Variants in YARS2 observed in about 807,000 individuals in gnomAD.
YARS2 encodes tyrosyl-tRNA synthetase 2, also known as tyrosine--tRNA ligase, mitochondrial.
A neutral mutation model predicts 45.0 loss-of-function variants in YARS2; 38 were observed. The observed-to-expected ratio is 0.84, with a 90% CI of 0.65 to 1.11. YARS2 has a LOEUF of 1.11. YARS2 is among the 50% of genes least tolerant of loss of function. YARS2 has a pLI of 0.00. For synonymous variants in YARS2, 287 were observed against 245.1 expected, an observed-to-expected ratio of 1.17 and a Z score of -1.60; for missense variants, 602 against 599.8, an observed-to-expected ratio of 1.00 and a Z score of -0.04.
In YARS2 at chr12:32,749,966, T is replaced by A; in HGVS notation, c.1245A>T (p.Lys415Asn). Reference protein sequence around the residue: ...PGTSVLDTCRKANAIPDGPRG... With the variant: ...PGTSVLDTCRNANAIPDGPRG... ...GGGGACCATCTGGAATGGCATTTGC[T>A]TTGCGGCAAGTATCTAGGACACTTG... is the stretch of plus-strand genomic sequence containing the variant. Residue 415 changes from lysine to asparagine, a missense_variant, in exon 4 of 5, where the codon AAA (lysine) becomes AAT (asparagine). Lys to Asn is a moderately conservative substitution (Grantham distance 94). Coordinates refer to ENST00000324868, the MANE Select transcript of YARS2 (RefSeq NM_001040436.3). 2.5e-6 allele frequency: 4 copies of A among 1,614,130 alleles called. No homozygotes were observed. The highest frequency in any genetic ancestry group is 3.4e-6 in the Non-Finnish European group (4 of 1,180,024).
Position 32,753,977 on chromosome 12 carries a change from C to G in YARS2, c.888G>C (p.Lys296Asn), listed in dbSNP as rs1410002702. The change falls in exon 2 of 5, where the codon AAG becomes AAC. Residue 296 changes from lysine (K) to asparagine (N), a missense_variant. Transcript: ENST00000324868. ...AGNAVWLNRD[K>N]TSPFELYQFF... ...ATTGATACAATTCAAATGGAGATGT[C>G]TTATCTCTGTTTAGCCAAACAGCGT... is the stretch of plus-strand genomic sequence containing the variant. 6.2e-7 allele frequency: 1 copy of G among 1,614,208 alleles called. No individual in the cohort carries two copies. The highest frequency in any genetic ancestry group is 8.5e-7 in the Non-Finnish European group (1 of 1,180,042).
At chr12:32,752,718 G>A (rs769553174) in intron 2 of YARS2, 13 of 312,812 alleles carry the variant, frequency 4.2e-5, no homozygotes, top group Non-Finnish European at 7.8e-5. Context: ...TCTAGCCTGG[G>A]CAACAAAGTG....
At chr12:32,753,238 T>C (rs1178762064) in intron 2 of YARS2, among the ~76,000 whole-genome samples, 1 of 152,206 alleles carries the variant, frequency 6.6e-6, no homozygotes, top group African/African-American at 2.4e-5. Flanking sequence ...ACTGCGTCAC[T>C]ACACTCTAGC....
At position 32,755,618 on chromosome 12, in the gene YARS2, G is replaced by A; in HGVS notation, c.257C>T (p.Ser86Leu). The A allele has an allele frequency of 6.2e-7, 1 of 1,614,128 alleles. No individual in the cohort carries two copies. Among genetic ancestry groups the A allele is most frequent in the Non-Finnish European group, 8.5e-7 (1 of 1,179,986 alleles). The change falls in exon 1 of 5, where the codon TCG becomes TTG. Residue 86 changes from serine to leucine, a missense_variant. Transcript: ENST00000324868. ...CGCAAGTAGATGACCCACATGAAGC[G>A]AGTCTGCCGTGGGGTCGAAGCCACA... ...IYCGFDPTAD[S>L]LHVGHLLALL...
intron 2 of YARS2, among the ~76,000 whole-genome samples, chr12:32,753,206 T>C (rs1239274410): frequency 6.6e-6 from 1 of 151,868 alleles, no homozygotes; most frequent in Non-Finnish European, 1.5e-5. Flanking sequence ...AGCCTGGGAA[T>C]TTCAGGCTAC....
At chr12:32,753,431 T>G (rs1244831438) in intron 2 of YARS2, among the ~76,000 whole-genome samples, 1 of 152,248 alleles carries the variant, frequency 6.6e-6, no homozygotes, top group African/African-American at 2.4e-5. Flanking sequence ...CCTAGATTAC[T>G]TTGATGTTAC....
rs1363965411 is a variant in YARS2 at position 32,749,815 on chromosome 12, G to C, written c.1274+122C>G. The C allele has an allele frequency of 5.3e-6, 6 of 1,137,002 alleles. No individual in the cohort carries two copies. In the African/African-American group the frequency reaches 9.2e-5, roughly 17 times the overall value. 70.4% of individuals were successfully genotyped at this position (1,137,002 alleles called of 1,614,324 possible). On this transcript the variant is annotated intron_variant, in intron 4 of 4. Coordinates refer to ENST00000324868, the MANE Select transcript of YARS2 (RefSeq NM_001040436.3). ...GATGGTCTCGATCTCCTGACCTCGT[G>C]ATCTGCCCGCCTCGGCCTCCCAATG...
In YARS2 at chr12:32,749,970, C is replaced by T. The variant is rs762786998; in HGVS notation, c.1241G>A (p.Arg414His). 46 of 1,613,904 alleles carry T rather than the reference C, an allele frequency of 2.9e-5. No homozygotes were observed. Among genetic ancestry groups the T allele is most frequent in the African/African-American group, 6.7e-5 (5 of 74,874 alleles). ...DPGTSVLDTC[R>H]KANAIPDGPR... is the part of the protein sequence containing the mutation. ...ACCATCTGGAATGGCATTTGCTTTG[C>T]GGCAAGTATCTAGGACACTTGTTCC... is the stretch of plus-strand genomic sequence containing the variant. Residue 414 changes from arginine (R) to histidine (H), a missense_variant, in exon 4 of 5, where the codon CGC (arginine) becomes CAC (histidine). Transcript: ENST00000324868.
At chr12:32,751,454 TAA>T (rs1220185958) in intron 2 of YARS2, among the ~76,000 whole-genome samples, 1 of 152,154 alleles carries the variant, frequency 6.6e-6, no homozygotes, top group African/African-American at 2.4e-5. Context: ...GAGATAATCA[TAA>T]ATCTAAGTTT....
At chr12:32,749,857 A>G (rs1388118509) in intron 4 of YARS2, 80 bp downstream of exon 4, 8 of 1,552,926 alleles carry the variant, frequency 5.2e-6, no homozygotes, top group African/African-American at 1.4e-5. Context: ...GATTACAGGC[A>G]TGAGCCACTT....
At chr12:32,752,949 T>C (rs1482937812) in intron 2 of YARS2, among the ~76,000 whole-genome samples, 1 of 152,124 alleles carries the variant, frequency 6.6e-6, no homozygotes, top group East Asian at 1.9e-4. Flanking sequence ...AGTGTTACAA[T>C]GAGCTTGTCA....
intron 1 of YARS2, among the ~76,000 whole-genome samples, chr12:32,754,705 G>A (rs1051300652): frequency 1.4e-5 from 2 of 142,802 alleles, no homozygotes; most frequent in African/African-American, 2.7e-5. Context: ...CTAGTGGTCT[G>A]TTTCCCTTTT....
intron 1 of YARS2, 48 bp downstream of exon 1, chr12:32,755,048 T>G (rs1955821087): frequency 6.2e-7 from 1 of 1,609,466 alleles, no homozygotes; most frequent in South Asian, 1.1e-5. Context: ...GCTACTAGTG[T>G]GTAAATTATT....
At chr12:32,752,986 T>C (rs1265086173) in intron 2 of YARS2, among the ~76,000 whole-genome samples, 1 of 152,082 alleles carries the variant, frequency 6.6e-6, no homozygotes, top group Non-Finnish European at 1.5e-5. Context: ...GGTTTAGATA[T>C]GGTTGGCACT....
At chr12:32,751,435 C>T (rs985453417) in intron 2 of YARS2, among the ~76,000 whole-genome samples, 1 of 152,048 alleles carries the variant, frequency 6.6e-6, no homozygotes, top group Non-Finnish European at 1.5e-5. Flanking sequence ...ACATTCCCTT[C>T]CTTGCCCCGA....
intron 4 of YARS2, among the ~76,000 whole-genome samples, chr12:32,749,458 T>C (rs1955697974): frequency 6.6e-6 from 1 of 152,220 alleles, no homozygotes; most frequent in South Asian, 2.1e-4. Flanking sequence ...TAAAGTATTT[T>C]CAACAATAAG....
Position 32,755,699 on chromosome 12 carries a change from A to C in YARS2, c.176T>G (p.Ile59Arg). The C allele has an allele frequency of 6.2e-7, 1 of 1,614,198 alleles. No homozygotes were observed. The highest frequency in any genetic ancestry group is 8.5e-7 in the Non-Finnish European group (1 of 1,180,036). Residue 59 changes from isoleucine (I) to arginine (R), a missense_variant, in exon 1 of 5, where the codon ATA (isoleucine) becomes AGA (arginine). Physicochemically the swap from Ile to Arg is moderately conservative, Grantham distance 97. Transcript: ENST00000324868. ...KDFFPETGTK[I>R]ELPELFDRGT... ...ACGGTCGAAGAGCTCTGGGAGCTCT[A>C]TTTTCGTCCCCGTCTCCGGGAAGAA...
At chr12:32,747,878 C>T (rs1005199913) in intron 4 of YARS2, among the ~76,000 whole-genome samples, 2 of 151,234 alleles carry the variant, frequency 1.3e-5, no homozygotes, top group African/African-American at 4.9e-5. Flanking sequence ...GACTCCGTCT[C>T]AAGAAAAAAA....
At chr12:32,748,641 T>C (rs967079949) in intron 4 of YARS2, among the ~76,000 whole-genome samples, 1 of 152,168 alleles carries the variant, frequency 6.6e-6, no homozygotes, top group Non-Finnish European at 1.5e-5. Context: ...CAGGGAAGTA[T>C]ATGACACCAG....
Sources: gnomAD v4.1 joint callset for allele counts (sites outside exome capture counted in the v4.1 genomes callset) on GRCh38, gnomAD v4.1.1 for gene constraint, MANE v1.5 for transcripts, NCBI Gene and HGNC (gene_info 2026-07-23, HGNC 2026-07-21) for gene names.